Variants in CNGA1 observed in about 807,000 individuals in gnomAD.
CNGA1 encodes cyclic nucleotide gated channel subunit alpha 1, also known as cyclic nucleotide-gated channel alpha-1.
A neutral mutation model predicts 69.7 loss-of-function variants in CNGA1; 53 were observed. That is an observed-to-expected ratio of 0.76 (90% CI 0.61 to 0.96). The LOEUF (loss-of-function observed/expected upper bound fraction) is 0.96. Among genes scored for constraint, CNGA1 ranks in the 40% least tolerant of loss-of-function variants. CNGA1 has a pLI of 0.00. For missense variants in CNGA1, 739 were observed against 811.2 expected, an observed-to-expected ratio of 0.91 and a Z score of 1.08; for synonymous variants, 249 against 283.5, an observed-to-expected ratio of 0.88 and a Z score of 1.22.
chr4:48,007,731 T>G (rs535259224), intron 2 of CNGA1, among the ~76,000 whole-genome samples: 1 of 152,188 alleles, frequency 6.6e-6, no homozygotes, highest in East Asian at 1.9e-4. Context: ...AATAATGGCA[T>G]AGGAATTATT....
chr4:47,965,163 C>T lies in CNGA1; in HGVS notation c.-14-12460G>A, dbSNP rs78442804. Among the ~76,000 whole-genome samples the T allele has an allele frequency of 4.7e-3, 715 of 152,068 alleles. 15 individuals carry two copies. In the East Asian group the frequency reaches 0.059, roughly 13 times the overall value. The stretch of plus-strand genomic sequence containing the variant: ...ATCTTAACGGATATCCAGTATGGTC[C>T]TTGGCTTTATGAAAATGCCTCTTGA... On this transcript the variant is annotated intron_variant, in intron 3 of 10. Coordinates refer to ENST00000514170, the MANE Select transcript of CNGA1 (RefSeq NM_001379270.1).
At chr4:48,002,105 TA>T (rs1450068549) in intron 2 of CNGA1, among the ~76,000 whole-genome samples, 4 of 152,152 alleles carry the variant, frequency 2.6e-5, no homozygotes, top group Non-Finnish European at 5.9e-5. Flanking sequence ...AATAAAGGTT[TA>T]AAATCAAAGT....
At chr4:47,966,245 CTTA>C (rs1288120913) in intron 3 of CNGA1, among the ~76,000 whole-genome samples, 3 of 152,194 alleles carry the variant, frequency 2.0e-5, no homozygotes, top group Non-Finnish European at 4.4e-5. Context: ...GGCTCTGCCA[CTTA>C]TTAGCTGAAT....
intron 6 of CNGA1, among the ~76,000 whole-genome samples, chr4:47,948,152 A>G (rs1739519649): frequency 6.6e-6 from 1 of 151,846 alleles, no homozygotes; most frequent in South Asian, 2.1e-4. Context: ...AATATTGCTT[A>G]ACATCACTTT....
chr4:48,014,242 T>C (rs532034740), intron 1 of CNGA1, among the ~76,000 whole-genome samples: 1 of 152,324 alleles, frequency 6.6e-6, no homozygotes, highest in East Asian at 1.9e-4. Context: ...CCCAACTTTA[T>C]GTCATTAAAG....
At chr4:47,988,335 G>A (rs552084071) in intron 2 of CNGA1, among the ~76,000 whole-genome samples, 1 of 152,104 alleles carries the variant, frequency 6.6e-6, no homozygotes, top group East Asian at 1.9e-4. Flanking sequence ...ACAAAAAACA[G>A]GAAAATAAAG....
At chr4:47,990,154 C>A (rs1406533981) in intron 2 of CNGA1, among the ~76,000 whole-genome samples, 1 of 152,054 alleles carries the variant, frequency 6.6e-6, no homozygotes, top group African/African-American at 2.4e-5. Context: ...TGAAAAAGAA[C>A]AGAATAACAG....
intron 2 of CNGA1, among the ~76,000 whole-genome samples, chr4:47,995,516 GCTAT>G (rs145321566): frequency 0.18 from 26,554 of 151,082 alleles, 2,489 homozygotes; most frequent in Middle Eastern, 0.24. Context: ...TTTTATTCTT[GCTAT>G]CTATTTCATT....
At chr4:48,001,359 C>T (rs321641) in intron 2 of CNGA1, among the ~76,000 whole-genome samples, 21,367 of 152,114 alleles carry the variant, frequency 0.14, 1,832 homozygotes, top group Middle Eastern at 0.23. Context: ...ATCCCAGCTA[C>T]TTGGGAGGCT....
At position 47,937,134 on chromosome 4, in the gene CNGA1, A is replaced by G; in HGVS notation, c.1348T>C (p.Leu450=). The change falls in exon 11 of 11, where the codon TTA becomes CTA. Residue 450 remains leucine (L), a synonymous_variant. Coordinates refer to ENST00000514170, the MANE Select transcript of CNGA1 (RefSeq NM_001379270.1). Reference sequence around the variant, plus strand: ...CTTAGTTTATCAGGTAGATACTTTAAGACTTCTTTCTCATCAACTGTTTTT... The same window carrying G: ...CTTAGTTTATCAGGTAGATACTTTAGGACTTCTTTCTCATCAACTGTTTTT... ...NKKTVDEKEV[L]KYLPDKLRAE... is the part of the protein sequence containing the mutation. 1 of 1,614,206 alleles carries G rather than the reference A, an allele frequency of 6.2e-7. No individual in the cohort carries two copies. Among genetic ancestry groups the G allele is most frequent in the Non-Finnish European group, 8.5e-7 (1 of 1,180,036 alleles).
intron 10 of CNGA1, among the ~76,000 whole-genome samples, chr4:47,938,928 A>G (rs1474224068): frequency 1.3e-5 from 2 of 150,730 alleles, no homozygotes; most frequent in Non-Finnish European, 3.0e-5. Flanking sequence ...GAAAGAAAGA[A>G]AGAGAGAGAG....
chr4:47,997,226 CTA>C (rs1425307966), intron 2 of CNGA1, among the ~76,000 whole-genome samples: 3 of 152,162 alleles, frequency 2.0e-5, no homozygotes, highest in Non-Finnish European at 4.4e-5. Flanking sequence ...GACAAATTAT[CTA>C]TGTGATATAA....
chr4:47,966,982 C>T (rs1489214659), intron 3 of CNGA1, among the ~76,000 whole-genome samples: 2 of 152,066 alleles, frequency 1.3e-5, no homozygotes, highest in African/African-American at 2.4e-5. Context: ...TTCCTCAACC[C>T]GATAAACAGC....
In CNGA1 at chr4:47,940,543, T is replaced by A. The variant is rs1241327374; in HGVS notation, c.652+220A>T. ...CAAGATAATGGAGGAAAGCCACATC[T>A]ACTTGTCAAAAAGTTGCCTGGTAAC... On this transcript the variant is annotated intron_variant, in intron 10 of 10. Coordinates refer to ENST00000514170, the MANE Select transcript of CNGA1 (RefSeq NM_001379270.1). 2.0e-5 allele frequency among the ~76,000 whole-genome samples: 3 copies of A among 152,210 alleles called. No homozygotes were observed. In the East Asian group the frequency reaches 5.8e-4, roughly 29 times the overall value.
intron 3 of CNGA1, among the ~76,000 whole-genome samples, chr4:47,974,858 T>C (rs1038065450): frequency 6.6e-6 from 1 of 152,212 alleles, no homozygotes; most frequent in Non-Finnish European, 1.5e-5. Context: ...CCTAGCTCTT[T>C]AGCAAATTAC....
intron 2 of CNGA1, among the ~76,000 whole-genome samples, chr4:47,991,566 G>A (rs185538968): frequency 1.3e-5 from 2 of 152,256 alleles, no homozygotes; most frequent in Admixed American, 1.3e-4. Flanking sequence ...CTGGATATTA[G>A]TCCTTTGTCA....
intron 2 of CNGA1, among the ~76,000 whole-genome samples, chr4:47,990,074 A>G (rs1457355947): frequency 6.6e-6 from 1 of 152,180 alleles, no homozygotes; most frequent in Non-Finnish European, 1.5e-5. Flanking sequence ...TGTGTAAAAC[A>G]TATGTGTTTG....
chr4:47,948,797 A>G (rs900500929), intron 6 of CNGA1, among the ~76,000 whole-genome samples: 7 of 152,212 alleles, frequency 4.6e-5, no homozygotes, highest in African/African-American at 1.7e-4. Flanking sequence ...CAAGAAGGGC[A>G]TGGTGACCCA....
chr4:48,006,613 G>A (rs188661230), intron 2 of CNGA1, among the ~76,000 whole-genome samples: 2 of 150,718 alleles, frequency 1.3e-5, no homozygotes, highest in East Asian at 3.9e-4. Context: ...GGATTAATTA[G>A]TTCAAAAAAA....
Sources: allele counts gnomAD v4.1 joint callset (sites outside exome capture counted in the v4.1 genomes callset), GRCh38; gene constraint gnomAD v4.1.1; transcripts MANE v1.5; gene names NCBI Gene and HGNC (gene_info 2026-07-23, HGNC 2026-07-21).